RAB6A: variants seen among roughly 807,000 people sequenced by gnomAD.
RAB6A encodes RAB6A, member RAS oncogene family, also known as ras-related protein Rab-6A.
Under a neutral mutation model 32.3 loss-of-function variants are expected in RAB6A, and 8 were observed. That is an observed-to-expected ratio of 0.25 (90% confidence interval 0.15 to 0.45). The LOEUF is 0.45. Among genes scored for constraint, RAB6A ranks in the 20% least tolerant of loss-of-function variants. The probability of loss-of-function intolerance (pLI) is 1.00; values close to 1 mark genes in which losing one functional copy is unlikely to be tolerated. For synonymous variants in RAB6A, 73 were observed against 82.1 expected, an observed-to-expected ratio of 0.89 and a Z score of 0.60; for missense variants, 104 against 249.4, an observed-to-expected ratio of 0.42 and a Z score of 3.93.
At position 73,677,010 on chromosome 11, in the gene RAB6A, C is replaced by A. The variant is rs1406282270; in HGVS notation, c.*888G>T. ...AGAGGTTTCTTATTTTTTAAACAAACAGAATAACTCTTGACAATTTTAAAA... is the reference window on the plus strand; with the variant it reads ...AGAGGTTTCTTATTTTTTAAACAAAAAGAATAACTCTTGACAATTTTAAAA... On this transcript the variant is annotated 3_prime_UTR_variant, in exon 8 of 8. Transcript: ENST00000336083. 3 of 166,530 alleles carry A rather than the reference C, an allele frequency of 1.8e-5. No individual in the cohort carries two copies. The highest frequency in any genetic ancestry group is 7.2e-5 in the African/African-American group (3 of 41,420). 10.3% of individuals were successfully genotyped at this position (166,530 alleles called of 1,614,324 possible).
In RAB6A at chr11:73,687,359, G is replaced by A. The variant is rs555096555; in HGVS notation, c.496-7639C>T. 2.0e-5 allele frequency among the ~76,000 whole-genome samples: 3 copies of A among 152,192 alleles called. No individual in the cohort carries two copies. The East Asian group carries it at 5.8e-4, about 29-fold the overall frequency. ...TTTAAAAAAATCCTATTTTGTCTAC[G>A]GAAAATGGATACAATCTTAGGATAA... On this transcript the variant is annotated intron_variant, in intron 6 of 7. Transcript: ENST00000336083.
At chr11:73,712,783 G>C (rs1029833794) in intron 5 of RAB6A, among the ~76,000 whole-genome samples, 1 of 145,416 alleles carries the variant, frequency 6.9e-6, no homozygotes, top group Non-Finnish European at 1.5e-5. Context: ...GCAGTGACAC[G>C]ATCTCAGATC....
At chr11:73,680,055 G>A (rs1444501301) in intron 6 of RAB6A, among the ~76,000 whole-genome samples, 3 of 152,262 alleles carry the variant, frequency 2.0e-5, no homozygotes, top group East Asian at 3.9e-4. Context: ...CTGAGATCAC[G>A]CCACTGCACT....
At chr11:73,697,757 A>G (rs1945678187) in intron 6 of RAB6A, among the ~76,000 whole-genome samples, 1 of 152,214 alleles carries the variant, frequency 6.6e-6, no homozygotes, top group Admixed American at 6.5e-5. Flanking sequence ...AGACTTAGGT[A>G]TTTTGTTCCA....
At chr11:73,690,694 TC>T (rs1945539392) in intron 6 of RAB6A, among the ~76,000 whole-genome samples, 1 of 91,210 alleles carries the variant, frequency 1.1e-5, no homozygotes, top group Non-Finnish European at 2.3e-5. Context: ...CCATGTAACA[TC>T]TTAAAAAAAA....
intron 6 of RAB6A, among the ~76,000 whole-genome samples, chr11:73,696,118 A>T (rs1363565934): frequency 6.6e-6 from 1 of 152,210 alleles, no homozygotes; most frequent in Non-Finnish European, 1.5e-5. Context: ...TTCCATTATG[A>T]AAGTAAATGT....
At chr11:73,741,322 G>C (rs1374240966) in intron 1 of RAB6A, among the ~76,000 whole-genome samples, 1 of 152,014 alleles carries the variant, frequency 6.6e-6, no homozygotes, top group East Asian at 1.9e-4. Context: ...ATTTTTAGTA[G>C]AGACGGGGTT....
intron 6 of RAB6A, among the ~76,000 whole-genome samples, chr11:73,689,121 CAAGAAA>C (rs941194637): frequency 7.4e-5 from 10 of 135,994 alleles, no homozygotes; most frequent in African/African-American, 2.7e-4. Flanking sequence ...GACCCTGTCT[CAAGAAA>C]AAAAAAAAAA....
intron 3 of RAB6A, 26 bp from the exon 4 acceptor site, chr11:73,718,744 C>T: frequency 6.2e-7 from 1 of 1,613,740 alleles, no homozygotes; most frequent in Non-Finnish European, 8.5e-7. Context: ...GTCAAACAAG[C>T]AAGAAAAATA....
At chr11:73,715,963 T>C (rs933794428) in intron 5 of RAB6A, among the ~76,000 whole-genome samples, 1 of 152,248 alleles carries the variant, frequency 6.6e-6, no homozygotes, top group African/African-American at 2.4e-5. Context: ...ACACTTTTCA[T>C]ACTTATGAGA....
chr11:73,739,268 A>T (rs1451276285), intron 1 of RAB6A, among the ~76,000 whole-genome samples: 2 of 12,696 alleles, frequency 1.6e-4, no homozygotes, highest in African/African-American at 2.8e-4. Flanking sequence ...ATAATTAAAA[A>T]AAAAAAAAAA....
Position 73,707,521 on chromosome 11 carries a change from GAAAC to G in RAB6A, c.402-12_402-9del, listed in dbSNP as rs1565356681. The G allele has an allele frequency of 6.3e-6, 10 of 1,587,896 alleles. No homozygotes were observed. Among genetic ancestry groups the G allele is most frequent in the Non-Finnish European group, 6.9e-6 (8 of 1,157,414 alleles). ...TCCTCAATTGACACTTGCCTGTAAAGAAACAAACAAACTTCTTACTTTTGAGACA... is the reference window on the plus strand; with the variant it reads ...TCCTCAATTGACACTTGCCTGTAAAGAAACAAACTTCTTACTTTTGAGACA... On this transcript the variant is annotated splice_polypyrimidine_tract_variant and intron_variant, in intron 5 of 7. Coordinates refer to ENST00000336083, the MANE Select transcript of RAB6A (RefSeq NM_198896.2).
intron 5 of RAB6A, among the ~76,000 whole-genome samples, chr11:73,712,728 CTTTT>C (rs57665830): frequency 3.5e-5 from 5 of 142,750 alleles, no homozygotes; most frequent in Admixed American, 2.8e-4. Flanking sequence ...ATTATAGAGG[CTTTT>C]TTTTTTTTTG....
rs1590815044 is a variant in RAB6A at position 73,677,818 on chromosome 11, A to G, written c.*80T>C. On this transcript the variant is annotated 3_prime_UTR_variant, in exon 8 of 8. Transcript: ENST00000336083. ...TACTGAAGGGAAAAGGTTCAAGCCA[A>G]TATTCACACTGCAGTCAATGAAAGA... 6.2e-7 allele frequency: 1 copy of G among 1,606,752 alleles called. No individual in the cohort carries two copies. The highest frequency in any genetic ancestry group is 2.2e-5 in the East Asian group (1 of 44,830).
chr11:73,678,664 C>T (rs769466509), intron 7 of RAB6A, among the ~76,000 whole-genome samples: 7 of 150,824 alleles, frequency 4.6e-5, no homozygotes, highest in Non-Finnish European at 1.0e-4. Flanking sequence ...CTCAATAGAA[C>T]ATTTTTTGTT....
chr11:73,756,092 C>T (rs1946747193), intron 1 of RAB6A, among the ~76,000 whole-genome samples: 1 of 152,206 alleles, frequency 6.6e-6, no homozygotes, highest in Admixed American at 6.5e-5. Flanking sequence ...GTGGCTCACA[C>T]CTGTAATCCC....
chr11:73,683,712 A>T (rs10736792), intron 6 of RAB6A, among the ~76,000 whole-genome samples: 1 of 151,934 alleles, frequency 6.6e-6, no homozygotes, highest in Non-Finnish European at 1.5e-5. Context: ...GCCACCACAC[A>T]GGGCTAATTC....
chr11:73,738,982 T>C (rs914778701), intron 1 of RAB6A, among the ~76,000 whole-genome samples: 1 of 148,566 alleles, frequency 6.7e-6, no homozygotes, highest in African/African-American at 2.5e-5. Flanking sequence ...TAAACTAATA[T>C]TGGGGCTGGG....
intron 6 of RAB6A, among the ~76,000 whole-genome samples, chr11:73,699,423 G>C (rs1454470875): frequency 6.6e-6 from 1 of 152,062 alleles, no homozygotes; most frequent in Admixed American, 6.6e-5. Flanking sequence ...CACTCAACCA[G>C]AGCTAGGTAA....
Sources: allele counts gnomAD v4.1 joint callset (sites outside exome capture counted in the v4.1 genomes callset), GRCh38; gene constraint gnomAD v4.1.1; transcripts MANE v1.5; gene names NCBI Gene and HGNC (gene_info 2026-07-23, HGNC 2026-07-21).